Variants in SP3 observed in about 807,000 individuals in gnomAD.
SP3 encodes the protein transcription factor Sp3.
In SP3, 10 loss-of-function variants were observed where a neutral mutation model predicts 70.3. That is an observed-to-expected ratio of 0.14 (90% CI 0.09 to 0.24). SP3 has a LOEUF of 0.24. Ranked by LOEUF, SP3 falls within the 10% of genes least tolerant of loss-of-function variation. The pLI is 1.00. For synonymous variants in SP3, 402 were observed against 333.5 expected (o/e 1.21, Z -2.24); for missense variants, 825 against 914.6 (o/e 0.90, Z 1.26).
In SP3 at chr2:173,904,740, G is replaced by T. The variant is rs146168249; in HGVS notation, c.*5201C>A. On this transcript the variant is annotated 3_prime_UTR_variant, in exon 7 of 7. Coordinates refer to ENST00000310015, the MANE Select transcript of SP3 (RefSeq NM_003111.5). ...AGCTCCTCACGGAAGGTGGCAGAAA[G>T]TAATGCTCAGAGAAGGGATGTAAGT... is the stretch of plus-strand genomic sequence containing the variant. Among the ~76,000 whole-genome samples, 1 of 152,354 alleles carries T rather than the reference G, an allele frequency of 6.6e-6. No individual in the cohort carries two copies. Among genetic ancestry groups the T allele is most frequent in the African/African-American group, 2.4e-5 (1 of 41,578 alleles).
intron 5 of SP3, chr2:173,915,217 G>A (rs971568142): frequency 8.5e-5 from 13 of 152,080 alleles, no homozygotes; most frequent in Non-Finnish European, 1.8e-4. Flanking sequence ...TTGAAAATGG[G>A]ACAGGCATCT....
chr2:173,906,217 G>C lies in SP3; in HGVS notation c.*3724C>G, dbSNP rs1689316547. 6.6e-6 allele frequency among the ~76,000 whole-genome samples: 1 copy of C among 152,090 alleles called. No homozygotes were observed. Among genetic ancestry groups the C allele is most frequent in the African/African-American group, 2.4e-5 (1 of 41,382 alleles). On this transcript the variant is annotated 3_prime_UTR_variant, in exon 7 of 7. Coordinates refer to ENST00000310015, the MANE Select transcript of SP3 (RefSeq NM_003111.5). Reference sequence around the variant, plus strand: ...AACGCCATTTCTGCTGAGTTTCCCAGACTTCATGCAGAATTCTCCCTCTTC... The same window carrying C: ...AACGCCATTTCTGCTGAGTTTCCCACACTTCATGCAGAATTCTCCCTCTTC...
chr2:173,948,690 T>A (rs1339714571), intron 4 of SP3, among the ~76,000 whole-genome samples: 4 of 151,758 alleles, frequency 2.6e-5, no homozygotes, highest in Admixed American at 2.0e-4. Context: ...AATATTTCCA[T>A]AATGTTTTTG....
chr2:173,939,438 A>AC (rs1202409516), intron 4 of SP3, among the ~76,000 whole-genome samples: 1 of 152,186 alleles, frequency 6.6e-6, no homozygotes, highest in Non-Finnish European at 1.5e-5. Flanking sequence ...AAGGATATCT[A>AC]CTGCAGCATT....
At chr2:173,923,750 AAATCAAATTTGATTTAG>A (rs775695001) in intron 4 of SP3, among the ~76,000 whole-genome samples, 2 of 150,042 alleles carry the variant, frequency 1.3e-5, no homozygotes, top group East Asian at 3.9e-4. Flanking sequence ...ATTTGATTCT[AAATCAAATTTGATTTAG>A]AATCAAATTA....
intron 4 of SP3, among the ~76,000 whole-genome samples, chr2:173,924,263 A>T (rs1251272261): frequency 6.6e-6 from 1 of 152,148 alleles, no homozygotes; most frequent in African/African-American, 2.4e-5. Context: ...GCAGTTTTCC[A>T]AATTATTTTA....
At chr2:173,932,884 C>T (rs1435974780) in intron 4 of SP3, among the ~76,000 whole-genome samples, 3 of 151,840 alleles carry the variant, frequency 2.0e-5, no homozygotes, top group Non-Finnish European at 4.4e-5. Context: ...CCCAGCTACT[C>T]GGGAGGCTGA....
At position 173,955,913 on chromosome 2, in the gene SP3, T is replaced by C. The variant is rs1242376530; in HGVS notation, c.599A>G (p.Glu200Gly). The C allele has an allele frequency of 9.3e-6, 15 of 1,614,114 alleles. No homozygotes were observed. Among genetic ancestry groups the C allele is most frequent in the Non-Finnish European group, 1.3e-5 (15 of 1,180,042 alleles). ...AGGAATGATCTGAATTTGACTGCTT[T>C]CTTGATTTATACCCCCATTATCTGA... ...GSSDNGGINQ[E>G]SSQIQIIPGS... Residue 200 changes from glutamate (E) to glycine (G), a missense_variant, in exon 4 of 7, where the codon GAA (glutamate) becomes GGA (glycine). Physicochemically the swap from Glu to Gly is moderately conservative, Grantham distance 98 (BLOSUM62 -2). This residue lies in a region of SP3 where 678 missense variants were observed against 651.6 expected (regional missense o/e 1.04). Coordinates refer to ENST00000310015, the MANE Select transcript of SP3 (RefSeq NM_003111.5).
intron 4 of SP3, 77 bp downstream of exon 4, chr2:173,954,792 TGATA>T (rs2105497927): frequency 6.3e-6 from 8 of 1,277,204 alleles, no homozygotes; most frequent in African/African-American, 1.5e-5. Flanking sequence ...AGTCTGATGC[TGATA>T]AATACCTAAA....
intron 4 of SP3, among the ~76,000 whole-genome samples, chr2:173,925,815 A>C (rs1447052386): frequency 1.3e-5 from 2 of 152,156 alleles, no homozygotes; most frequent in Non-Finnish European, 1.5e-5. Context: ...TAAAAAAAAG[A>C]CTACTTTAAA....
chr2:173,916,096 T>A (rs1281233502), intron 5 of SP3: 2 of 152,072 alleles, frequency 1.3e-5, no homozygotes, highest in Non-Finnish European at 2.9e-5. Context: ...TAGGTACAAT[T>A]GTCATTTATA....
At chr2:173,954,713 A>G (rs1207140301) in intron 4 of SP3, among the ~76,000 whole-genome samples, 160 bp downstream of exon 4, 2 of 152,258 alleles carry the variant, frequency 1.3e-5, no homozygotes, top group African/African-American at 4.8e-5. Context: ...AATAATTTGG[A>G]AGATACTTTG....
At chr2:173,950,532 AGCTGGGCATGGTG>A (rs1690681013) in intron 4 of SP3, among the ~76,000 whole-genome samples, 1 of 152,022 alleles carries the variant, frequency 6.6e-6, no homozygotes, top group Admixed American at 6.6e-5. Flanking sequence ...TTTAAAACTT[AGCTGGGCATGGTG>A]GCGCTAGCCT....
Position 173,903,508 on chromosome 2 carries a change from A to G in SP3, c.*6433T>C, listed in dbSNP as rs889406464. Among the ~76,000 whole-genome samples, 4 of 152,252 alleles carry G rather than the reference A, an allele frequency of 2.6e-5. No homozygotes were observed. Among genetic ancestry groups the G allele is most frequent in the Non-Finnish European group, 5.9e-5 (4 of 68,040 alleles). ...GAAAAAAACACACAGAGTTACTAGG[A>G]GTAGAATTGAGAAAAATGCAATTAA... On this transcript the variant is annotated 3_prime_UTR_variant, in exon 7 of 7. Transcript: ENST00000310015.
chr2:173,920,417 T>C (rs761311922), intron 4 of SP3, among the ~76,000 whole-genome samples: 46 of 152,122 alleles, frequency 3.0e-4, no homozygotes, highest in Non-Finnish European at 4.7e-4. Flanking sequence ...AACCCTAATG[T>C]AGAGTATGGA....
Position 173,955,439 on chromosome 2 carries a change from G to A in SP3, c.1073C>T (p.Thr358Ile). 6.2e-7 allele frequency: 1 copy of A among 1,614,114 alleles called. No homozygotes were observed. Among genetic ancestry groups the A allele is most frequent in the South Asian group, 1.1e-5 (1 of 91,076 alleles). ...ILQQNTNSLT[T>I]SSGQVHSSDL... ...TGAAGAATGAACCTGCCCACTAGATGTAGTCAAGCTATTTGTGTTTTGTTG... is the reference window on the plus strand; with the variant it reads ...TGAAGAATGAACCTGCCCACTAGATATAGTCAAGCTATTTGTGTTTTGTTG... The change falls in exon 4 of 7, where the codon ACA (threonine) becomes ATA (isoleucine). Residue 358 changes from threonine to isoleucine, a missense_variant. Physicochemically the swap from Thr to Ile is moderately conservative, Grantham distance 89. Transcript: ENST00000310015.
rs1422619531 is a variant in SP3 at position 173,955,447 on chromosome 2, G to A, written c.1065C>T (p.Ser355=). 3 of 1,614,086 alleles carry A rather than the reference G, an allele frequency of 1.9e-6. No homozygotes were observed. Among genetic ancestry groups the A allele is most frequent in the Admixed American group, 3.3e-5 (2 of 59,998 alleles). Residue 355 remains serine (S), a synonymous_variant, in exon 4 of 7, where the codon AGC becomes AGT. Coordinates refer to ENST00000310015, the MANE Select transcript of SP3 (RefSeq NM_003111.5). ...GAACCTGCCCACTAGATGTAGTCAA[G>A]CTATTTGTGTTTTGTTGTAATATAC... is the stretch of plus-strand genomic sequence containing the variant. ...STGILQQNTN[S]LTTSSGQVHS...
intron 4 of SP3, among the ~76,000 whole-genome samples, chr2:173,925,627 G>GCT (rs1689891795): frequency 6.6e-6 from 1 of 152,056 alleles, no homozygotes; most frequent in Admixed American, 6.6e-5. Flanking sequence ...CACTCCCATA[G>GCT]AGGACTTATT....
chr2:173,965,046 CACAG>C (rs1214600638), intron 1 of SP3, 115 bp downstream of exon 1: 2 of 1,366,502 alleles, frequency 1.5e-6, no homozygotes, highest in African/African-American at 1.5e-5. Context: ...TTCTGCCTCT[CACAG>C]ACACTCGGTC....
Sources: gnomAD v4.1 joint callset for allele counts (sites outside exome capture counted in the v4.1 genomes callset) on GRCh38, gnomAD v4.1.1 for gene constraint, gnomAD v4.1.1 regional missense constraint, MANE v1.5 for transcripts, NCBI Gene and HGNC (gene_info 2026-07-23, HGNC 2026-07-21) for gene names.